Variants in CDH20 observed in about 807,000 individuals in gnomAD.
The protein encoded by CDH20 is cadherin-20.
A neutral mutation model predicts 74.2 loss-of-function variants in CDH20; 29 were observed. The ratio of observed to expected loss-of-function variants is 0.39; its 90% CI spans 0.29 to 0.53. The LOEUF (loss-of-function observed/expected upper bound fraction) is 0.53, where lower values mean the gene tolerates loss of function less well. Ranked by LOEUF, CDH20 falls within the 20% of genes least tolerant of loss-of-function variation. The pLI is 0.69. For missense variants in CDH20, 988 were observed against 1,048.3 expected (o/e 0.94, Z 0.79); for synonymous variants, 469 against 405.4 (o/e 1.16, Z -1.88).
chr18:61,347,842 C>T (rs1481894259), intron 1 of CDH20, among the ~76,000 whole-genome samples: 1 of 152,022 alleles, frequency 6.6e-6, no homozygotes, highest in Admixed American at 6.6e-5. Flanking sequence ...AATTCATAAA[C>T]AATACTTTTT....
At chr18:61,432,181 T>C (rs1599081159) in intron 1 of CDH20, among the ~76,000 whole-genome samples, 1 of 149,250 alleles carries the variant, frequency 6.7e-6, no homozygotes. Context: ...GAAACGGAGG[T>C]TGCAGTGAGC....
At chr18:61,496,740 G>A (rs1276103934) in intron 2 of CDH20, among the ~76,000 whole-genome samples, 1 of 152,162 alleles carries the variant, frequency 6.6e-6, no homozygotes, top group African/African-American at 2.4e-5. Flanking sequence ...ACAGTCCTGG[G>A]GTGGCCTTTC....
chr18:61,409,783 A>G (rs1379433733), intron 1 of CDH20, among the ~76,000 whole-genome samples: 2 of 152,154 alleles, frequency 1.3e-5, no homozygotes, highest in Non-Finnish European at 2.9e-5. Flanking sequence ...AACGAATATT[A>G]ATAGCTGGTC....
intron 6 of CDH20, among the ~76,000 whole-genome samples, chr18:61,508,069 C>A (rs762198923): frequency 5.3e-5 from 8 of 152,176 alleles, no homozygotes; most frequent in Admixed American, 2.0e-4. Context: ...GCTGTTATCA[C>A]TTGAAATTCC....
At chr18:61,415,499 A>G (rs926371301) in intron 1 of CDH20, among the ~76,000 whole-genome samples, 4 of 152,160 alleles carry the variant, frequency 2.6e-5, no homozygotes, top group African/African-American at 7.2e-5. Context: ...AAACTGAATG[A>G]AAATACCATA....
intron 7 of CDH20, among the ~76,000 whole-genome samples, chr18:61,535,120 C>T (rs1346457477): frequency 5.3e-5 from 8 of 151,716 alleles, no homozygotes; most frequent in Admixed American, 6.6e-5. Context: ...GTTTGAGACC[C>T]GACTGGCCAA....
chr18:61,554,477 C>A lies in CDH20; in HGVS notation c.2188C>A (p.Leu730Ile). Reference sequence around the variant, plus strand: ...TGTCCACAGCTACGTGCTGGCCAAGCTCTACGAGGCCGACATGGACCTGTG... The same window carrying A: ...TGTCCACAGCTACGTGCTGGCCAAGATCTACGAGGCCGACATGGACCTGTG... Reference protein sequence around the residue: ...STVHSYVLAKLYEADMDLWAP... With the variant: ...STVHSYVLAKIYEADMDLWAP... The change falls in exon 12 of 12, where the codon CTC (leucine) becomes ATC (isoleucine). Residue 730 changes from leucine to isoleucine, a missense_variant. This residue lies in a region of CDH20 where 375 missense variants were observed against 293.1 expected (regional missense o/e 1.28). Transcript: ENST00000262717. 1 of 1,613,052 alleles carries A rather than the reference C, an allele frequency of 6.2e-7. No homozygotes were observed. Among genetic ancestry groups the A allele is most frequent in the Admixed American group, 1.7e-5 (1 of 59,958 alleles).
intron 9 of CDH20, among the ~76,000 whole-genome samples, chr18:61,544,762 G>C (rs547841998): frequency 6.6e-6 from 1 of 152,208 alleles, no homozygotes; most frequent in South Asian, 2.1e-4. Flanking sequence ...GTGGGCCAGA[G>C]TGGTCTTGGA....
chr18:61,459,839 C>G (rs8089031), intron 1 of CDH20, among the ~76,000 whole-genome samples: 1,614 of 152,264 alleles, frequency 0.011, 27 homozygotes, highest in African/African-American at 0.037. Flanking sequence ...CTAATCATTC[C>G]TCTTAGGAGA....
At chr18:61,418,553 CAAAAAAAAAAA>C (rs36009749) in intron 1 of CDH20, among the ~76,000 whole-genome samples, 1 of 68,552 alleles carries the variant, frequency 1.5e-5, no homozygotes, top group African/African-American at 6.2e-5. Flanking sequence ...GACTCTGTCT[CAAAAAAAAAAA>C]AAAAAAAAAA....
At chr18:61,460,901 A>G (rs1028044911) in intron 1 of CDH20, among the ~76,000 whole-genome samples, 5 of 152,186 alleles carry the variant, frequency 3.3e-5, no homozygotes, top group Admixed American at 3.3e-4. Context: ...TAATTTTTTG[A>G]TTTAGGAGTA....
intron 1 of CDH20, among the ~76,000 whole-genome samples, chr18:61,344,313 A>G (rs2144097874): frequency 6.6e-6 from 1 of 152,254 alleles, no homozygotes; most frequent in East Asian, 1.9e-4. Context: ...TATCATCACC[A>G]TTTAGTAGCT....
At chr18:61,538,610 TTTTG>T (rs1218841318) in intron 8 of CDH20, among the ~76,000 whole-genome samples, 1 of 42,066 alleles carries the variant, frequency 2.4e-5, no homozygotes, top group Non-Finnish European at 4.8e-5. Flanking sequence ...TTGTTTTTGT[TTTTG>T]TTTTTGTTTT....
intron 1 of CDH20, among the ~76,000 whole-genome samples, chr18:61,456,833 C>G (rs1320375616): frequency 6.6e-6 from 1 of 152,084 alleles, no homozygotes; most frequent in Non-Finnish European, 1.5e-5. Context: ...GGTGAGGGTT[C>G]TCTTCCTGGT....
At chr18:61,393,855 T>C (rs1215884440) in intron 1 of CDH20, among the ~76,000 whole-genome samples, 1 of 152,212 alleles carries the variant, frequency 6.6e-6, no homozygotes, top group African/African-American at 2.4e-5. Flanking sequence ...ATAGTGTAAC[T>C]GAAAGAGCTT....
intron 1 of CDH20, among the ~76,000 whole-genome samples, chr18:61,468,669 G>A (rs1047195413): frequency 4.0e-5 from 6 of 151,890 alleles, no homozygotes; most frequent in South Asian, 4.2e-4. Flanking sequence ...CTCATATATC[G>A]TGTCCAGGGA....
chr18:61,357,872 T>C (rs1910543596), intron 1 of CDH20, among the ~76,000 whole-genome samples: 1 of 152,136 alleles, frequency 6.6e-6, no homozygotes, highest in African/African-American at 2.4e-5. Context: ...TCACTCCCTT[T>C]TCAAGTGTAG....
intron 6 of CDH20, among the ~76,000 whole-genome samples, chr18:61,525,271 A>AT (rs1401365830): frequency 6.6e-6 from 1 of 152,212 alleles, no homozygotes; most frequent in Admixed American, 6.5e-5. Context: ...TAAATATCTT[A>AT]TTTTTTAAAA....
intron 1 of CDH20, among the ~76,000 whole-genome samples, chr18:61,425,287 T>G (rs557514218): frequency 6.6e-6 from 1 of 152,146 alleles, no homozygotes; most frequent in Admixed American, 6.5e-5. Context: ...CACAGGAAGA[T>G]GGACCGGGAA....
Sources: gnomAD v4.1 joint callset for allele counts (sites outside exome capture counted in the v4.1 genomes callset) on GRCh38, gnomAD v4.1.1 for gene constraint, gnomAD v4.1.1 regional missense constraint, MANE v1.5 for transcripts, NCBI Gene and HGNC (gene_info 2026-07-23, HGNC 2026-07-21) for gene names.